COL4A3: variants seen among roughly 807,000 people sequenced by gnomAD.
COL4A3 encodes collagen type IV alpha 3 chain, also known as collagen alpha-3(IV) chain.
Under a neutral mutation model 217.4 loss-of-function variants are expected in COL4A3, and 135 were observed. The ratio of observed to expected loss-of-function variants is 0.62; its 90% CI spans 0.54 to 0.72. The LOEUF is 0.72. Ranked by LOEUF, COL4A3 falls within the 30% of genes least tolerant of loss-of-function variation. COL4A3 has a pLI of 0.00. For missense variants in COL4A3, 1,868 were observed against 2,119.9 expected, an observed-to-expected ratio of 0.88 and a Z score of 2.33; for synonymous variants, 690 against 736.3, an observed-to-expected ratio of 0.94 and a Z score of 1.02.
intron 21 of COL4A3, among the ~76,000 whole-genome samples, chr2:227,264,382 C>G (rs1183015341): frequency 6.6e-6 from 1 of 152,144 alleles, no homozygotes; most frequent in African/African-American, 2.4e-5. Context: ...CACTTCCAGG[C>G]TGTGTCTGCA....
rs1337422665 is a variant in COL4A3 at position 227,191,043 on chromosome 2, T to C, written c.87+26230T>C. On this transcript the variant is annotated intron_variant, in intron 1 of 51. Coordinates refer to ENST00000396578, the MANE Select transcript of COL4A3 (RefSeq NM_000091.5). The surrounding 1 kb of genome is among the most constrained non-coding windows in gnomAD (Gnocchi z 6.8). ...TGTATAGAATTTTTTAAAAAATAGA[T>C]GCAAAGGTTATTATATATGAAATTT... is the stretch of plus-strand genomic sequence containing the variant. Among the ~76,000 whole-genome samples the C allele has an allele frequency of 6.6e-5, 10 of 152,156 alleles. No individual in the cohort carries two copies. Among genetic ancestry groups the C allele is most frequent in the Non-Finnish European group, 1.5e-4 (10 of 68,040 alleles).
intron 26 of COL4A3, 24 bp from the exon 27 acceptor site, chr2:227,276,361 C>T: frequency 6.3e-7 from 1 of 1,578,008 alleles, no homozygotes; most frequent in African/African-American, 1.3e-5. Context: ...ATACCCCAAT[C>T]TTATGACCAC....
intron 43 of COL4A3, 96 bp from the exon 44 acceptor site, chr2:227,302,942 A>G (rs2073356067): frequency 1.3e-6 from 1 of 780,246 alleles, no homozygotes; most frequent in Admixed American, 1.9e-5. Flanking sequence ...CTCACCCAAC[A>G]TAATATTATA....
intron 1 of COL4A3, among the ~76,000 whole-genome samples, chr2:227,225,517 G>A (rs1283276547): frequency 6.6e-6 from 1 of 152,170 alleles, no homozygotes; most frequent in African/African-American, 2.4e-5. Context: ...TGCAGCAGCA[G>A]GTGACAAAGC....
At position 227,172,821 on chromosome 2, in the gene COL4A3, A is replaced by G. The variant is rs1020357770; in HGVS notation, c.87+8008A>G. On this transcript the variant is annotated intron_variant, in intron 1 of 51. Coordinates refer to ENST00000396578, the MANE Select transcript of COL4A3 (RefSeq NM_000091.5). ...AGGCTGATCTCAGACTCCTGACCTC[A>G]AGTGATCCACCTGCCTCTGCCTCCC... Among the ~76,000 whole-genome samples, 4 of 151,796 alleles carry G rather than the reference A, an allele frequency of 2.6e-5. No homozygotes were observed. In the East Asian group the frequency reaches 7.8e-4, roughly 30 times the overall value.
rs1574677907 is a variant in COL4A3 at position 227,247,421 on chromosome 2, G to A, written c.442-137G>A. 22 of 809,084 alleles carry A rather than the reference G, an allele frequency of 2.7e-5. No homozygotes were observed. The East Asian group carries it at 5.1e-4, about 19-fold the overall frequency. The allele number at this position is 809,084 out of a possible 1,614,324, so 50.1% of individuals were successfully genotyped here. ...TATGGTGGGAAGTAAAAGATTAAGGGAAGACTTTGCTTTGTAAGGCCGTGG... is the reference window on the plus strand; with the variant it reads ...TATGGTGGGAAGTAAAAGATTAAGGAAAGACTTTGCTTTGTAAGGCCGTGG... On this transcript the variant is annotated intron_variant, in intron 7 of 51. Coordinates refer to ENST00000396578, the MANE Select transcript of COL4A3 (RefSeq NM_000091.5).
chr2:227,306,356 T>C (rs1208878904), intron 47 of COL4A3, among the ~76,000 whole-genome samples: 2 of 152,198 alleles, frequency 1.3e-5, no homozygotes, highest in African/African-American at 2.4e-5. Flanking sequence ...GCATTGGATA[T>C]CACACATTTG....
intron 23 of COL4A3, among the ~76,000 whole-genome samples, chr2:227,268,039 C>G (rs1216895533): frequency 2.0e-5 from 3 of 152,186 alleles, no homozygotes. Flanking sequence ...GGGCCACTCC[C>G]CTGACTACAC....
At chr2:227,271,461 ATTTTTTT>A (rs397988092) in intron 25 of COL4A3, among the ~76,000 whole-genome samples, 1,241 of 104,668 alleles carry the variant, frequency 0.012, 10 homozygotes, top group African/African-American at 0.02. Flanking sequence ...ACCTACCAAG[ATTTTTTT>A]TTTTTTTTTT....
At chr2:227,269,824 C>T (rs2071130662) in intron 23 of COL4A3, 86 bp from the exon 24 acceptor site, 1 of 1,131,198 alleles carries the variant, frequency 8.8e-7, no homozygotes, top group Admixed American at 1.8e-5. Context: ...CAAGGAAACA[C>T]TCTATTTTCT....
At chr2:227,284,930 T>C (rs1297255546) in intron 34 of COL4A3, among the ~76,000 whole-genome samples, 1 of 152,178 alleles carries the variant, frequency 6.6e-6, no homozygotes, top group African/African-American at 2.4e-5. Flanking sequence ...GGGCCCTTTT[T>C]ATGGCAGTTT....
chr2:227,164,799 C>T lies in COL4A3; in HGVS notation c.73C>T (p.Pro25Ser), dbSNP rs139271412. The change falls in exon 1 of 52, where the codon CCC becomes TCC. Residue 25 changes from proline to serine, a missense_variant. Pro to Ser is a moderately conservative substitution (Grantham distance 74). Transcript: ENST00000396578. This position sits in a 1 kb window ranked among gnomAD's most constrained non-coding sequence, Gnocchi z 4.8. ...PLLLVLLAAA[P>S]AASKGCVCKD... ...CCTGCTGGTGCTCCTGGCGGCGGCG[C>T]CCGCAGCCAGCAAGGTGAGTGGGGG... 1.6e-3 allele frequency: 2,499 copies of T among 1,518,396 alleles called. 38 individuals are homozygous for T. The African/African-American group carries it at 0.031, about 19-fold the overall frequency. The allele number at this position is 1,518,396 out of a possible 1,614,324, so 94.1% of individuals were successfully genotyped here. A position where few individuals can be genotyped will look rare whatever the true frequency, so the allele number is the denominator to read the frequency against.
intron 1 of COL4A3, among the ~76,000 whole-genome samples, chr2:227,197,734 C>T (rs2066536517): frequency 6.6e-6 from 1 of 152,162 alleles, no homozygotes; most frequent in South Asian, 2.1e-4. Context: ...GAAATGGAAA[C>T]AAGAGGATAA....
chr2:227,167,021 A>G (rs1166972507), intron 1 of COL4A3, among the ~76,000 whole-genome samples: 1 of 152,240 alleles, frequency 6.6e-6, no homozygotes, highest in Non-Finnish European at 1.5e-5. Context: ...CAATTGTGCC[A>G]GCATCACTTC....
intron 1 of COL4A3, among the ~76,000 whole-genome samples, chr2:227,201,708 G>T (rs1201353531): frequency 6.6e-6 from 1 of 152,156 alleles, no homozygotes; most frequent in African/African-American, 2.4e-5. Flanking sequence ...AAACAGAAAG[G>T]ATTCTGAATG....
chr2:227,227,586 G>A (rs1345178233), intron 1 of COL4A3, among the ~76,000 whole-genome samples: 7 of 151,716 alleles, frequency 4.6e-5, no homozygotes, highest in Admixed American at 3.9e-4. Flanking sequence ...ACTGACCCTG[G>A]GTCAGACTGT....
chr2:227,304,306 G>A, intron 46 of COL4A3, 162 bp downstream of exon 46: 1 of 820,820 alleles, frequency 1.2e-6, no homozygotes. Context: ...CCCTTGACCA[G>A]CAAATAAAAG....
rs2069692463 is a variant in COL4A3, at chr2:227,250,736, A to G, written c.547-404A>G. Among the ~76,000 whole-genome samples the G allele has an allele frequency of 6.6e-6, 1 of 152,206 alleles. No homozygotes were observed. Among genetic ancestry groups the G allele is most frequent in the South Asian group, 2.1e-4 (1 of 4,828 alleles). ...ATGACAATTGCATAAAGACAAGAAA[A>G]GGAAAAGGGAGTGAGTTATACTGAT... is the stretch of plus-strand genomic sequence containing the variant. On this transcript the variant is annotated intron_variant, in intron 9 of 51. Transcript: ENST00000396578. This position sits in a 1 kb window ranked among gnomAD's most constrained non-coding sequence, Gnocchi z 4.1.
chr2:227,208,288 G>T (rs1412493587), intron 1 of COL4A3, among the ~76,000 whole-genome samples: 2 of 152,182 alleles, frequency 1.3e-5, no homozygotes, highest in Non-Finnish European at 2.9e-5. Context: ...GCTACAAGAT[G>T]AGAAATTACA....
Sources: gnomAD v4.1 joint callset for allele counts (sites outside exome capture counted in the v4.1 genomes callset) on GRCh38, gnomAD v4.1.1 for gene constraint, Gnocchi (gnomAD v3.1) non-coding constraint, MANE v1.5 for transcripts, NCBI Gene and HGNC (gene_info 2026-07-23, HGNC 2026-07-21) for gene names.